The following ZNF469 variants were observed in gnomAD, a reference collection of about 807,000 sequenced individuals.
The protein encoded by ZNF469 is zinc finger protein 469.
A neutral mutation model predicts 1.0 loss-of-function variants in ZNF469; 1 was observed. The observed-to-expected ratio is 1.00, with a 90% CI of 0.35 to 4.73. The LOEUF (loss-of-function observed/expected upper bound fraction) is 4.73. ZNF469 is among the 30% of genes most tolerant of loss of function. The pLI is 0.16. For missense variants in ZNF469, 6,100 were observed against 5,356.3 expected (o/e 1.14, Z -4.33); for synonymous variants, 2,703 against 2,363.4 (o/e 1.14, Z -4.17).
chr16:88,373,663 G>A, the ZNF469 span, among the ~76,000 whole-genome samples: 2 of 152,190 alleles, frequency 1.3e-5, no homozygotes, highest in Non-Finnish European at 2.9e-5. Flanking sequence ...TAAGCACAGA[G>A]GGCTACCTTC....
chr16:88,168,267 C>A, the ZNF469 span, among the ~76,000 whole-genome samples: 2 of 152,156 alleles, frequency 1.3e-5, no homozygotes, highest in Non-Finnish European at 2.9e-5. The surrounding 1 kb of genome is among the most constrained non-coding windows in gnomAD (Gnocchi z 4.3). Flanking sequence ...CTGAACTTGG[C>A]CGAACATTTT....
chr16:88,437,538 G>A lies in ZNF469; in HGVS notation c.10068G>A (p.Leu3356=). ...FPKPFKLQRH[L]AVHSPQRVYL... ...AGCCCTTCAAGCTGCAGCGCCACCT[G>A]GCGGTGCACAGCCCGCAGCGCGTCT... The change falls in exon 3 of 3, where the codon CTG becomes CTA. Residue 3356 remains leucine (L), a synonymous_variant. Transcript: ENST00000565624. The A allele has an allele frequency of 6.5e-7, 1 of 1,541,788 alleles. No homozygotes were observed. The highest frequency in any genetic ancestry group is 8.8e-7 in the Non-Finnish European group (1 of 1,141,088).
At chr16:88,166,960 TGTGCAG>T in the ZNF469 span, among the ~76,000 whole-genome samples, 1 of 151,600 alleles carries the variant, frequency 6.6e-6, no homozygotes, top group Non-Finnish European at 1.5e-5. This position sits in a 1 kb window ranked among gnomAD's most constrained non-coding sequence, Gnocchi z 4.5. Flanking sequence ...GAGCTCACGG[TGTGCAG>T]GTGCCGGCAG....
the ZNF469 span, among the ~76,000 whole-genome samples, chr16:88,230,966 C>T: frequency 3.3e-5 from 5 of 152,002 alleles, no homozygotes; most frequent in Admixed American, 1.3e-4. Flanking sequence ...TAGGCTCTGG[C>T]GAAGGGACCC....
At chr16:88,380,835 C>A (rs1445945422), upstream of ZNF469, among the ~76,000 whole-genome samples, 1 of 149,420 alleles carries the variant, frequency 6.7e-6, no homozygotes, top group African/African-American at 2.5e-5. Flanking sequence ...CACACACGCA[C>A]TCACACAGAC....
chr16:88,286,943 G>T, the ZNF469 span, among the ~76,000 whole-genome samples: 3 of 152,230 alleles, frequency 2.0e-5, no homozygotes, highest in Non-Finnish European at 4.4e-5. Context: ...CAGGGGGAGT[G>T]TGTATGAGAC....
At chr16:88,163,639 TG>T in the ZNF469 span, among the ~76,000 whole-genome samples, 1 of 150,756 alleles carries the variant, frequency 6.6e-6, no homozygotes, top group African/African-American at 2.4e-5. Context: ...GATGGATGGA[TG>T]GATGGATGGA....
At chr16:88,282,884 G>T in the ZNF469 span, among the ~76,000 whole-genome samples, 2 of 152,162 alleles carry the variant, frequency 1.3e-5, no homozygotes, top group South Asian at 4.1e-4. Context: ...CACAGGGAGT[G>T]CAGCATTCTG....
the ZNF469 span, among the ~76,000 whole-genome samples, chr16:88,370,565 T>A: frequency 6.6e-6 from 1 of 152,136 alleles, no homozygotes; most frequent in Admixed American, 6.5e-5. Context: ...GGGTTAGACG[T>A]TCCGTGTGAC....
the ZNF469 span, among the ~76,000 whole-genome samples, chr16:88,117,661 A>ACCGTGGAGGTGCCACGTGTCTTCACAG: frequency 1.0e-4 from 15 of 150,388 alleles, no homozygotes; most frequent in South Asian, 1.5e-3. Context: ...TGTCTTCACA[A>ACCGTGGAGGTGCCACGTGTCTTCACAG]ACCGTGGAGG....
At position 88,439,587 on chromosome 16, in the gene ZNF469, C is replaced by G; in HGVS notation, c.*255C>G. ...CCTTTTGAGACCACACAGCTGTTTT[C>G]TTGGTACCAAGTACTTGAAGAGACA... On this transcript the variant is annotated 3_prime_UTR_variant, in exon 3 of 3. Coordinates refer to ENST00000565624, the MANE Select transcript of ZNF469 (RefSeq NM_001367624.2). The G allele has an allele frequency of 1.9e-6, 1 of 537,368 alleles. No homozygotes were observed. The highest frequency in any genetic ancestry group is 3.4e-6 in the Non-Finnish European group (1 of 298,082). 33.3% of individuals were successfully genotyped at this position (537,368 alleles called of 1,614,324 possible).
the ZNF469 span, among the ~76,000 whole-genome samples, chr16:88,265,755 C>A: frequency 6.6e-6 from 1 of 152,210 alleles, no homozygotes; most frequent in East Asian, 1.9e-4. Context: ...CTCTGCACCT[C>A]GGGAGGCGGC....
At chr16:88,125,344 A>C in the ZNF469 span, among the ~76,000 whole-genome samples, 4 of 152,330 alleles carry the variant, frequency 2.6e-5, no homozygotes, top group Non-Finnish European at 1.5e-5. Flanking sequence ...GCATTTCAGA[A>C]ATTCAAAGAA....
At chr16:88,289,295 T>C in the ZNF469 span, among the ~76,000 whole-genome samples, 2 of 149,836 alleles carry the variant, frequency 1.3e-5, no homozygotes, top group Non-Finnish European at 2.9e-5. Flanking sequence ...GTGATGATGA[T>C]GGTGATGAGG....
At chr16:88,108,183 A>G in the ZNF469 span, among the ~76,000 whole-genome samples, 1,667 of 131,714 alleles carry the variant, frequency 0.013, 18 homozygotes, top group Non-Finnish European at 0.017. Context: ...GTGGGGATGG[A>G]GGTGCACATC....
At chr16:88,319,986 C>A in the ZNF469 span, among the ~76,000 whole-genome samples, 4 of 152,234 alleles carry the variant, frequency 2.6e-5, no homozygotes, top group Non-Finnish European at 5.9e-5. Context: ...CGGCCTGAAG[C>A]CTGACTCCTC....
At chr16:88,209,931 A>G in the ZNF469 span, among the ~76,000 whole-genome samples, 6 of 152,178 alleles carry the variant, frequency 3.9e-5, no homozygotes, top group African/African-American at 1.4e-4. Context: ...CTTCAGAGTA[A>G]ATTCTAGTCA....
At chr16:88,326,387 AG>A in the ZNF469 span, among the ~76,000 whole-genome samples, 1 of 152,196 alleles carries the variant, frequency 6.6e-6, no homozygotes, top group Admixed American at 6.5e-5. Flanking sequence ...TGGAACTGTA[AG>A]TCCATTAAAC....
the ZNF469 span, among the ~76,000 whole-genome samples, chr16:88,298,307 G>A: frequency 2.0e-5 from 3 of 152,182 alleles, no homozygotes; most frequent in Non-Finnish European, 2.9e-5. Flanking sequence ...TGCCTCGAGC[G>A]TGTTTGCTGG....
Sources: allele counts gnomAD v4.1 joint callset (sites outside exome capture counted in the v4.1 genomes callset), GRCh38; gene constraint gnomAD v4.1.1; non-coding constraint Gnocchi (gnomAD v3.1); transcripts MANE v1.5; gene names NCBI Gene and HGNC (gene_info 2026-07-23, HGNC 2026-07-21).